The following IAH1 variants were observed in gnomAD, a reference collection of about 807,000 sequenced individuals.
The protein encoded by IAH1 is isoamyl acetate-hydrolyzing esterase 1 homolog.
Under a neutral mutation model 26.7 loss-of-function variants are expected in IAH1, and 24 were observed. That is an observed-to-expected ratio of 0.90 (90% CI 0.65 to 1.26). The LOEUF (loss-of-function observed/expected upper bound fraction) is 1.26. IAH1 is among the 50% of genes most tolerant of loss of function. IAH1 has a pLI of 0.00. For missense variants in IAH1, 300 were observed against 299.9 expected (o/e 1.00, Z 0.00); for synonymous variants, 140 against 118.5 (o/e 1.18, Z -1.18).
chr2:9,507,939 T>C, the IAH1 span, among the ~76,000 whole-genome samples: 2 of 152,164 alleles, frequency 1.3e-5, no homozygotes, highest in Non-Finnish European at 2.9e-5. Context: ...CCTGAACTCC[T>C]AGGCTCAAGT....
At chr2:9,504,092 A>G in the IAH1 span, among the ~76,000 whole-genome samples, 3 of 152,104 alleles carry the variant, frequency 2.0e-5, no homozygotes, top group Admixed American at 2.0e-4. Context: ...TTGAGGCTGC[A>G]GTGAGCCATG....
rs1682378729 is a variant in IAH1, at chr2:9,474,785, G to A, written c.81+138G>A. 1 of 630,600 alleles carries A rather than the reference G, an allele frequency of 1.6e-6. No homozygotes were observed. The highest frequency in any genetic ancestry group is 2.0e-5 in the African/African-American group (1 of 50,966). The allele number at this position is 630,600 out of a possible 1,614,324, so 39.1% of individuals were successfully genotyped here. A position where few individuals can be genotyped will look rare whatever the true frequency, so the allele number is the denominator to read the frequency against. On this transcript the variant is annotated intron_variant, in intron 1 of 5. Transcript: ENST00000497473. This position sits in a 1 kb window ranked among gnomAD's most constrained non-coding sequence, Gnocchi z 4.3. ...GCCTGGCCACGCCCGTGGAGACACC[G>A]GAGGAGTGGCGGGTCCCCCAGTGGC...
intron 3 of IAH1, 107 bp downstream of exon 3, chr2:9,478,477 T>TA: frequency 1.8e-6 from 2 of 1,113,292 alleles, no homozygotes; most frequent in Non-Finnish European, 1.3e-6. Flanking sequence ...TCCCAATAGA[T>TA]ACAGTTTTGC....
intron 6 of IAH1, among the ~76,000 whole-genome samples, chr2:9,495,860 CTTTT>C (rs34087915): frequency 7.2e-6 from 1 of 138,662 alleles, no homozygotes. Context: ...TACGTGTTAC[CTTTT>C]TTTTTTTTTT....
In IAH1 at chr2:9,483,724, T is replaced by C. The variant is rs573569478; in HGVS notation, c.446-708T>C. On this transcript the variant is annotated intron_variant, in intron 4 of 5. Transcript: ENST00000497473. ...AATCCCCAGATACTGCACTCCAGCC[T>C]TCCCTGGTGCAGCTCCCTGGGAGGA... Among the ~76,000 whole-genome samples the C allele has an allele frequency of 8.8e-4, 134 of 152,298 alleles. 1 individual carries two copies. The Middle Eastern group carries it at 0.01, about 12-fold the overall frequency.
downstream of IAH1, chr2:9,493,810 G>A (rs749050766): frequency 6.8e-6 from 11 of 1,613,736 alleles, no homozygotes; most frequent in Non-Finnish European, 9.3e-6. Context: ...TCCTGTACTC[G>A]TTTCTCACAT....
intron 4 of IAH1, among the ~76,000 whole-genome samples, chr2:9,483,134 C>A (rs1661279267): frequency 6.6e-6 from 1 of 152,222 alleles, no homozygotes; most frequent in East Asian, 1.9e-4. Flanking sequence ...TGTTTAATTT[C>A]ATTTCCCCTT....
the IAH1 span, chr2:9,510,185 T>G: frequency 6.3e-7 from 1 of 1,596,542 alleles, no homozygotes; most frequent in Non-Finnish European, 8.6e-7. Context: ...CATCACCTAC[T>G]TCTGCCAGTT....
chr2:9,497,957 A>G (rs1198121074), downstream of IAH1, among the ~76,000 whole-genome samples: 1 of 152,196 alleles, frequency 6.6e-6, no homozygotes, highest in Non-Finnish European at 1.5e-5. Flanking sequence ...GCAATGATCA[A>G]ATCTATTAAG....
At chr2:9,495,476 G>A (rs907859690) in intron 6 of IAH1, among the ~76,000 whole-genome samples, 9 of 152,190 alleles carry the variant, frequency 5.9e-5, no homozygotes, top group African/African-American at 2.2e-4. Flanking sequence ...ACTTTGGGAG[G>A]CCAAGGCGGA....
chr2:9,474,499 C>G (rs558884709), upstream of IAH1: 876 of 982,842 alleles, frequency 8.9e-4, 2 homozygotes, highest in Middle Eastern at 4.2e-3. The surrounding 1 kb of genome is among the most constrained non-coding windows in gnomAD (Gnocchi z 4.3). Context: ...CTCCCGCAAC[C>G]CACGGGCGGC....
downstream of IAH1, among the ~76,000 whole-genome samples, chr2:9,491,720 T>C (rs1662167430): frequency 6.6e-6 from 1 of 152,208 alleles, no homozygotes; most frequent in East Asian, 1.9e-4. Flanking sequence ...TGCCTGTGGC[T>C]GAAGCATAAT....
At chr2:9,505,431 T>G in the IAH1 span, 1 of 1,495,556 alleles carries the variant, frequency 6.7e-7, no homozygotes, top group Non-Finnish European at 9.3e-7. Flanking sequence ...ATGCAATGTT[T>G]GTGTCTTCTC....
chr2:9,506,068 C>T, the IAH1 span, among the ~76,000 whole-genome samples: 29 of 152,052 alleles, frequency 1.9e-4, no homozygotes, highest in African/African-American at 5.8e-4. Context: ...TCTAAAACTG[C>T]GGTCATTTTC....
In IAH1 at chr2:9,474,711, C is replaced by G; in HGVS notation, c.81+64C>G. 4 of 1,276,232 alleles carry G rather than the reference C, an allele frequency of 3.1e-6. No homozygotes were observed. The highest frequency in any genetic ancestry group is 4.3e-6 in the Non-Finnish European group (4 of 935,130). The allele number at this position is 1,276,232 out of a possible 1,614,324, so 79.1% of individuals were successfully genotyped here. A position where few individuals can be genotyped will look rare whatever the true frequency, so the allele number is the denominator to read the frequency against. On this transcript the variant is annotated intron_variant, in intron 1 of 5. Coordinates refer to ENST00000497473, the MANE Select transcript of IAH1 (RefSeq NM_001039613.3). The surrounding 1 kb of genome is among the most constrained non-coding windows in gnomAD (Gnocchi z 4.3). ...CCCTGCGGGGTCGCTGCCGAGCAGG[C>G]CGAGGCTCCTCGCCGTCCTCTTCGG...
At chr2:9,476,692 G>A (rs1660814310) in intron 2 of IAH1, among the ~76,000 whole-genome samples, 1 of 152,198 alleles carries the variant, frequency 6.6e-6, no homozygotes, top group Non-Finnish European at 1.5e-5. Context: ...AAGGTGCTCT[G>A]TGGGGAGCTC....
intron 3 of IAH1, among the ~76,000 whole-genome samples, chr2:9,480,246 C>T (rs1192916036): frequency 2.6e-5 from 4 of 152,134 alleles, no homozygotes. Flanking sequence ...TTATGTGAGC[C>T]AGGCGTGGTG....
At chr2:9,495,099 G>T (rs938683755) in intron 6 of IAH1, among the ~76,000 whole-genome samples, 3 of 152,120 alleles carry the variant, frequency 2.0e-5, no homozygotes, top group Non-Finnish European at 4.4e-5. Context: ...CAACTTTCTT[G>T]TCACCCTGCT....
At chr2:9,503,187 C>T in the IAH1 span, among the ~76,000 whole-genome samples, 2 of 150,084 alleles carry the variant, frequency 1.3e-5, no homozygotes, top group African/African-American at 2.5e-5. Flanking sequence ...GGTGGGGCCA[C>T]AAGGCAATCC....
Sources: gnomAD v4.1 joint callset for allele counts (sites outside exome capture counted in the v4.1 genomes callset) on GRCh38, gnomAD v4.1.1 for gene constraint, Gnocchi (gnomAD v3.1) non-coding constraint, MANE v1.5 for transcripts, NCBI Gene and HGNC (gene_info 2026-07-23, HGNC 2026-07-21) for gene names.